POM121: variants seen among roughly 807,000 people sequenced by gnomAD.
POM121 encodes the protein nuclear envelope pore membrane protein POM 121.
POM121 carries 32 observed loss-of-function variants against 81.3 expected under a neutral mutation model. The observed-to-expected ratio is 0.39, with a 90% CI of 0.30 to 0.53. The LOEUF (loss-of-function observed/expected upper bound fraction) is 0.53. Among genes scored for constraint, POM121 ranks in the 20% least tolerant of loss-of-function variants. The probability of loss-of-function intolerance (pLI) is 0.66; values close to 1 mark genes in which losing one functional copy is unlikely to be tolerated. For missense variants in POM121, 1,138 were observed against 1,614.6 expected (o/e 0.70, Z 5.06); for synonymous variants, 514 against 694.2 (o/e 0.74, Z 4.08).
At chr7:72,937,886 C>T (rs1796666165) in intron 5 of POM121, among the ~76,000 whole-genome samples, 1 of 152,030 alleles carries the variant, frequency 6.6e-6, no homozygotes, top group Non-Finnish European at 1.5e-5. Context: ...ATCGTTGTTG[C>T]AAAAGTCATA....
At chr7:72,917,486 C>T (rs573084225) in intron 4 of POM121, among the ~76,000 whole-genome samples, 128 of 152,184 alleles carry the variant, frequency 8.4e-4, no homozygotes, top group Non-Finnish European at 1.3e-3. Flanking sequence ...TTTCTGCTTT[C>T]CCAGAGGAAT....
chr7:72,950,064 C>G (rs782177866), downstream of POM121: 27 of 1,571,316 alleles, frequency 1.7e-5, 1 homozygote, highest in Non-Finnish European at 8.7e-7. Flanking sequence ...CTACCCTGTC[C>G]TGCAGAATGA....
In POM121 at chr7:72,946,221, C is replaced by T; in HGVS notation, c.3737C>T (p.Thr1246Ile). 6.2e-7 allele frequency: 1 copy of T among 1,611,446 alleles called. No homozygotes were observed. Among genetic ancestry groups the T allele is most frequent in the African/African-American group, 1.3e-5 (1 of 74,908 alleles). ...RQRLQARRQH[T>I]RKK ...CGACTGCAGGCCCGAAGGCAGCACA[C>T]CCGCAAAAAGTAGCCTTTGTCCCCT... The change falls in exon 13 of 13, where the codon ACC becomes ATC. Residue 1246 changes from threonine to isoleucine, a missense_variant. Transcript: ENST00000434423.
At chr7:72,928,752 AGT>A (rs759913375) in intron 4 of POM121, among the ~76,000 whole-genome samples, 2 of 152,246 alleles carry the variant, frequency 1.3e-5, no homozygotes, top group Non-Finnish European at 2.9e-5. Context: ...AAGTTTGTGC[AGT>A]GGATAAAACA....
rs1797707070 is a variant in POM121, at chr7:72,946,546, C to G, written c.*312C>G. 2 of 1,104,200 alleles carry G rather than the reference C, an allele frequency of 1.8e-6. No individual in the cohort carries two copies. Among genetic ancestry groups the G allele is most frequent in the Non-Finnish European group, 2.2e-6 (2 of 906,008 alleles). 68.4% of individuals were successfully genotyped at this position (1,104,200 alleles called of 1,614,324 possible). On this transcript the variant is annotated 3_prime_UTR_variant, in exon 13 of 13. Coordinates refer to ENST00000434423, the MANE Select transcript of POM121 (RefSeq NM_001387691.1). ...GCTGCCCTGACTCCCGCTTAGCACA[C>G]CCTTAGGCAGGCGCCCCTTCCACCT...
chr7:72,946,031 G>A, intron 12 of POM121, 106 bp from the exon 13 acceptor site: 1 of 1,492,044 alleles, frequency 6.7e-7, no homozygotes. Context: ...GCCCTATTGA[G>A]GCACCCTGTG....
At position 72,948,119 on chromosome 7, in the gene POM121, A is replaced by T. The variant is rs1406361046; in HGVS notation, c.*1885A>T. 7 of 1,390,294 alleles carry T rather than the reference A, an allele frequency of 5.0e-6. No individual in the cohort carries two copies. The allele number at this position is 1,390,294 out of a possible 1,614,324, so 86.1% of individuals were successfully genotyped here. On this transcript the variant is annotated 3_prime_UTR_variant, in exon 13 of 13. Transcript: ENST00000434423. Reference sequence around the variant, plus strand: ...CGCAGGCAGGACAGCCGGTCCGGGAACCCTGAGTGAGAATGAGTGTGGATG... The same window carrying T: ...CGCAGGCAGGACAGCCGGTCCGGGATCCCTGAGTGAGAATGAGTGTGGATG...
chr7:72,899,240 C>T (rs1321465489), intron 3 of POM121, among the ~76,000 whole-genome samples: 2 of 152,070 alleles, frequency 1.3e-5, no homozygotes, highest in Non-Finnish European at 2.9e-5. Context: ...CCACCTTGGC[C>T]TTCCAAAGTG....
rs536676805 is a variant in POM121, at chr7:72,937,587, C to T, written c.1276-1003C>T. Among the ~76,000 whole-genome samples the T allele has an allele frequency of 6.8e-4, 103 of 152,230 alleles. 1 individual carries two copies. The highest frequency in any genetic ancestry group is 5.1e-3 in the Admixed American group (78 of 15,292). ...AAGCTTCCTCTTTTCCCTTTTTGAA[C>T]TCTTATTAAGCATTGCTGGCTTCCT... On this transcript the variant is annotated intron_variant, in intron 5 of 12. Coordinates refer to ENST00000434423, the MANE Select transcript of POM121 (RefSeq NM_001387691.1).
At position 72,925,759 on chromosome 7, in the gene POM121, C is replaced by A; in HGVS notation, c.638C>A (p.Ser213Tyr). The A allele has an allele frequency of 7.8e-7, 1 of 1,276,372 alleles. No homozygotes were observed. Among genetic ancestry groups the A allele is most frequent in the Non-Finnish European group, 9.9e-7 (1 of 1,009,844 alleles). The allele number at this position is 1,276,372 out of a possible 1,614,324, so 79.1% of individuals were successfully genotyped here. The change falls in exon 1 of 13, where the codon TCC (serine) becomes TAC (tyrosine). Residue 213 changes from serine (S) to tyrosine (Y), a missense_variant. Physicochemically the swap from Ser to Tyr is moderately radical, Grantham distance 144. Transcript: ENST00000434423. ...CTTCTCCGACCCTCCAGGAGGCCTT[C>A]CCCACGGTAAGATGCGCTGATTTTG... Reference protein sequence around the residue: ...TPLLRPSRRPSPRDCGTLPNR... With the variant: ...TPLLRPSRRPYPRDCGTLPNR...
chr7:72,928,323 T>C, intron 3 of POM121, 62 bp from the exon 4 acceptor site: 1 of 1,590,468 alleles, frequency 6.3e-7, no homozygotes, highest in South Asian at 1.1e-5. Context: ...AATATGAGAA[T>C]ACACTTTAAA....
At chr7:72,938,757 G>C in intron 6 of POM121, 76 bp downstream of exon 6, 1 of 1,491,946 alleles carries the variant, frequency 6.7e-7, no homozygotes, top group Non-Finnish European at 9.4e-7. Flanking sequence ...AACGAACCTG[G>C]CTCTTAGGCT....
At position 72,945,490 on chromosome 7, in the gene POM121, C is replaced by G. The variant is rs557550188; in HGVS notation, c.3530-96C>G. 47 of 1,469,472 alleles carry G rather than the reference C, an allele frequency of 3.2e-5. No individual in the cohort carries two copies. The South Asian group carries it at 5.7e-4, about 18-fold the overall frequency. The allele number at this position is 1,469,472 out of a possible 1,614,324, so 91.0% of individuals were successfully genotyped here. On this transcript the variant is annotated intron_variant, in intron 11 of 12. Transcript: ENST00000434423. ...GAAGCAGAAGTGGGGCTGAGGGTCC[C>G]GTGGGAAGTGCCCTGCGGAGCACAG...
intron 3 of POM121, among the ~76,000 whole-genome samples, chr7:72,894,432 G>A (rs1554491359): frequency 6.6e-6 from 1 of 151,676 alleles, no homozygotes; most frequent in African/African-American, 2.4e-5. Flanking sequence ...ACAAAAATTA[G>A]CTGGGCGTGG....
intron 12 of POM121, among the ~76,000 whole-genome samples, 198 bp from the exon 13 acceptor site, chr7:72,945,939 C>T (rs1797646992): frequency 6.6e-6 from 1 of 152,082 alleles, no homozygotes; most frequent in South Asian, 2.1e-4. Context: ...AAAATGGATT[C>T]TTGGGCCTCG....
At chr7:72,898,534 C>T (rs1490394115) in intron 3 of POM121, among the ~76,000 whole-genome samples, 4 of 152,112 alleles carry the variant, frequency 2.6e-5, no homozygotes, top group Admixed American at 1.3e-4. Context: ...TGTTGGCTCA[C>T]GCCTGTAATC....
chr7:72,897,862 A>G (rs1364523220), intron 3 of POM121, among the ~76,000 whole-genome samples: 4 of 152,200 alleles, frequency 2.6e-5, no homozygotes, highest in Non-Finnish European at 4.4e-5. Flanking sequence ...CTCTAAAAAA[A>G]TAAAAAATTA....
At chr7:72,948,613 T>C (rs1797870111), downstream of POM121, 10 of 1,605,420 alleles carry the variant, frequency 6.2e-6, 1 homozygote, top group South Asian at 8.8e-5. Flanking sequence ...GAAATGTAGA[T>C]GTTAGATGTG....
chr7:72,915,916 C>T (rs1794254217), intron 4 of POM121, among the ~76,000 whole-genome samples: 1 of 152,150 alleles, frequency 6.6e-6, no homozygotes, highest in African/African-American at 2.4e-5. Context: ...GTGATCCACC[C>T]ACCTTGGCCT....
Sources: gnomAD v4.1 joint callset for allele counts (sites outside exome capture counted in the v4.1 genomes callset) on GRCh38, gnomAD v4.1.1 for gene constraint, MANE v1.5 for transcripts, NCBI Gene and HGNC (gene_info 2026-07-23, HGNC 2026-07-21) for gene names.